Variants in ALLC observed in about 807,000 individuals in gnomAD.
ALLC encodes allantoicase, also known as probable inactive allantoicase.
In ALLC, 40 loss-of-function variants were observed where a neutral mutation model predicts 45.0. The ratio of observed to expected loss-of-function variants is 0.89; its 90% CI spans 0.69 to 1.16. The LOEUF (loss-of-function observed/expected upper bound fraction) is 1.16, where lower values mean the gene tolerates loss of function less well. Among genes scored for constraint, ALLC ranks in the 50% most tolerant of loss-of-function variants. The probability of loss-of-function intolerance (pLI) is 0.00; values close to 1 mark genes in which losing one functional copy is unlikely to be tolerated. For missense variants in ALLC, 488 were observed against 493.1 expected (o/e 0.99, Z 0.10); for synonymous variants, 176 against 178.1 (o/e 0.99, Z 0.09).
chr2:3,697,638 T>C (rs1667713487), intron 10 of ALLC, among the ~76,000 whole-genome samples, 182 bp downstream of exon 10: 1 of 151,370 alleles, frequency 6.6e-6, no homozygotes, highest in Non-Finnish European at 1.5e-5. Flanking sequence ...TATCTATCTA[T>C]CTATCTATCT....
chr2:3,683,678 A>G (rs1244704817), intron 7 of ALLC, among the ~76,000 whole-genome samples: 1 of 152,222 alleles, frequency 6.6e-6, no homozygotes, highest in Non-Finnish European at 1.5e-5. Context: ...TTTTCCACTT[A>G]GTATAATGTT....
intron 1 of ALLC, among the ~76,000 whole-genome samples, chr2:3,667,122 C>T (rs1666744994): frequency 6.6e-6 from 1 of 152,208 alleles, no homozygotes; most frequent in South Asian, 2.1e-4. Flanking sequence ...CATGGTCTCC[C>T]CTGCCTGGTT....
chr2:3,671,216 A>C, intron 2 of ALLC, 26 bp downstream of exon 2: 1 of 1,604,826 alleles, frequency 6.2e-7, no homozygotes, highest in Non-Finnish European at 8.5e-7. Context: ...ATGGCCAAAC[A>C]AGGGTTGAAG....
intron 1 of ALLC, among the ~76,000 whole-genome samples, chr2:3,663,622 C>T (rs111581631): frequency 6.6e-6 from 1 of 152,032 alleles, no homozygotes; most frequent in African/African-American, 2.4e-5. Flanking sequence ...CAGTATCTGC[C>T]TGGTGCACAG....
chr2:3,702,107 A>G (rs1017297635), intron 11 of ALLC, among the ~76,000 whole-genome samples: 5 of 152,094 alleles, frequency 3.3e-5, no homozygotes, highest in African/African-American at 1.2e-4. Context: ...CTTATGTATA[A>G]TCAACTATTA....
intron 1 of ALLC, 70 bp downstream of exon 1, chr2:3,658,364 CAG>C (rs762300887): frequency 1.2e-4 from 18 of 152,192 alleles, no homozygotes; most frequent in Non-Finnish European, 2.1e-4. Flanking sequence ...AATAGGGTGA[CAG>C]AGATGAATTT....
chr2:3,689,170 G>GT (rs1667408597), intron 7 of ALLC, among the ~76,000 whole-genome samples: 1 of 150,694 alleles, frequency 6.6e-6, no homozygotes, highest in South Asian at 2.1e-4. Flanking sequence ...AAAAAAACAA[G>GT]TTTTTTGTTT....
chr2:3,684,678 A>G (rs1667278715), intron 7 of ALLC, among the ~76,000 whole-genome samples: 1 of 152,118 alleles, frequency 6.6e-6, no homozygotes, highest in Non-Finnish European at 1.5e-5. Flanking sequence ...GAACTACTTC[A>G]TTTAGAATAA....
intron 7 of ALLC, chr2:3,695,488 G>A (rs1667639358): frequency 3.7e-6 from 2 of 535,310 alleles, no homozygotes; most frequent in East Asian, 3.2e-5. Flanking sequence ...TGCCTTTAAG[G>A]TGAGGAACAT....
intron 9 of ALLC, among the ~76,000 whole-genome samples, 197 bp downstream of exon 9, chr2:3,696,545 T>C (rs1473867679): frequency 1.3e-5 from 2 of 152,230 alleles, no homozygotes; most frequent in Non-Finnish European, 2.9e-5. Flanking sequence ...CCAAACATAC[T>C]GGTCATTGCC....
At chr2:3,672,306 GGAAGTCCTCTGGCTCTGGTTAGATA>G (rs1666903173) in intron 2 of ALLC, among the ~76,000 whole-genome samples, 1 of 105,126 alleles carries the variant, frequency 9.5e-6, no homozygotes, top group South Asian at 3.0e-4. Context: ...TGGTTAGATC[GGAAGTCCTCTGGCTCTGGTTAGATA>G]GGAGGTCCTC....
chr2:3,650,959 CGAG>C, the ALLC span, among the ~76,000 whole-genome samples: 5 of 152,176 alleles, frequency 3.3e-5, no homozygotes, highest in Non-Finnish European at 7.4e-5. Flanking sequence ...CCATAACTTC[CGAG>C]GAGGAGACCT....
intron 6 of ALLC, among the ~76,000 whole-genome samples, 165 bp from the exon 7 acceptor site, chr2:3,682,777 G>T (rs566601107): frequency 4.6e-5 from 7 of 152,216 alleles, no homozygotes; most frequent in Non-Finnish European, 8.8e-5. Context: ...CGCCCGCCTC[G>T]GCCTCCCAAG....
chr2:3,679,785 G>T, intron 4 of ALLC, 84 bp from the exon 5 acceptor site: 1 of 1,578,796 alleles, frequency 6.3e-7, no homozygotes, highest in Non-Finnish European at 8.7e-7. Context: ...CTGTGGGTCA[G>T]GTGCATGTGG....
At chr2:3,699,267 T>C (rs1667761831) in intron 10 of ALLC, among the ~76,000 whole-genome samples, 1 of 152,234 alleles carries the variant, frequency 6.6e-6, no homozygotes, top group African/African-American at 2.4e-5. Context: ...TGGTTTTCTG[T>C]TCCTGCGTTA....
At chr2:3,701,391 C>T in intron 10 of ALLC, 121 bp from the exon 11 acceptor site, 2 of 1,249,162 alleles carry the variant, frequency 1.6e-6, no homozygotes, top group Non-Finnish European at 2.1e-6. Context: ...TGCTTTTGCT[C>T]AGGAAGAGCA....
chr2:3,663,863 A>G (rs907618101), intron 1 of ALLC, among the ~76,000 whole-genome samples: 3 of 152,376 alleles, frequency 2.0e-5, no homozygotes, highest in South Asian at 4.1e-4. Context: ...TTCTGTAATG[A>G]TGGAAAATCT....
intron 3 of ALLC, among the ~76,000 whole-genome samples, chr2:3,675,949 T>C (rs1318970198): frequency 6.6e-6 from 1 of 152,228 alleles, no homozygotes; most frequent in Non-Finnish European, 1.5e-5. Context: ...CCTCTTGGGA[T>C]GGCCACCTGC....
intron 7 of ALLC, among the ~76,000 whole-genome samples, chr2:3,690,146 C>T (rs566430932): frequency 6.8e-6 from 1 of 148,026 alleles, no homozygotes; most frequent in African/African-American, 2.5e-5. Context: ...GTCCATTAAG[C>T]AACAGTATAC....
Sources: allele counts gnomAD v4.1 joint callset (sites outside exome capture counted in the v4.1 genomes callset), GRCh38; gene constraint gnomAD v4.1.1; transcripts MANE v1.5; gene names NCBI Gene and HGNC (gene_info 2026-07-23, HGNC 2026-07-21).